Variants in AHI1 observed in about 807,000 individuals in gnomAD.
AHI1 encodes jouberin.
Under a neutral mutation model 149.3 loss-of-function variants are expected in AHI1, and 123 were observed. The observed-to-expected ratio is 0.82, with a 90% CI of 0.71 to 0.96. The LOEUF (loss-of-function observed/expected upper bound fraction) is 0.96, where lower values mean the gene tolerates loss of function less well. Among genes scored for constraint, AHI1 ranks in the 40% least tolerant of loss-of-function variants. AHI1 has a pLI of 0.00. For missense variants in AHI1, 1,439 were observed against 1,422.7 expected (o/e 1.01, Z -0.18); for synonymous variants, 475 against 459.8 (o/e 1.03, Z -0.42).
At chr6:135,372,508 G>T (rs1271942165) in intron 23 of AHI1, among the ~76,000 whole-genome samples, 1 of 96,230 alleles carries the variant, frequency 1.0e-5, no homozygotes, top group African/African-American at 3.5e-5. Context: ...GTCTCTACCG[G>T]AAAAAAAAAG....
intron 27 of AHI1, among the ~76,000 whole-genome samples, chr6:135,290,913 A>AACACACACACACACACACAC (rs574033007): frequency 4.6e-4 from 68 of 146,264 alleles, no homozygotes; most frequent in African/African-American, 1.6e-3. Context: ...AACACACACA[A>AACACACACACACACACACAC]ACACACACAC....
chr6:135,381,467 A>C (rs2128468207), intron 23 of AHI1, among the ~76,000 whole-genome samples: 1 of 152,348 alleles, frequency 6.6e-6, no homozygotes, highest in South Asian at 2.1e-4. Flanking sequence ...ACTTATTCTC[A>C]GAATGCCGTA....
chr6:135,339,475 A>T (rs1038027099), intron 24 of AHI1, among the ~76,000 whole-genome samples: 2 of 152,200 alleles, frequency 1.3e-5, no homozygotes, highest in African/African-American at 4.8e-5. Context: ...CTCACCAAAC[A>T]AACAAACAAA....
chr6:135,385,769 A>G (rs953361525), intron 23 of AHI1, among the ~76,000 whole-genome samples: 3 of 152,322 alleles, frequency 2.0e-5, no homozygotes, highest in African/African-American at 7.2e-5. Flanking sequence ...ATCCCTGGAA[A>G]GTGAAGGATG....
chr6:135,340,650 C>CATATAT (rs1381069276), intron 24 of AHI1, among the ~76,000 whole-genome samples: 4 of 52,650 alleles, frequency 7.6e-5, no homozygotes, highest in East Asian at 1.1e-3. Context: ...CATATATATA[C>CATATAT]ATACATACAT....
intron 11 of AHI1, among the ~76,000 whole-genome samples, chr6:135,451,052 A>T (rs1788016424): frequency 6.6e-6 from 1 of 151,814 alleles, no homozygotes; most frequent in Non-Finnish European, 1.5e-5. Context: ...GCTGGAGTGC[A>T]GTGGTACAAT....
At chr6:135,478,325 C>CAGAG (rs942596906) in intron 5 of AHI1, among the ~76,000 whole-genome samples, 1 of 152,164 alleles carries the variant, frequency 6.6e-6, no homozygotes, top group African/African-American at 2.4e-5. Flanking sequence ...CTGATATGAA[C>CAGAG]AGAGATGGCC....
At chr6:135,475,091 T>C (rs575586252) in intron 5 of AHI1, among the ~76,000 whole-genome samples, 41 of 152,366 alleles carry the variant, frequency 2.7e-4, no homozygotes, top group African/African-American at 8.9e-4. Flanking sequence ...TTAAAAGATA[T>C]ATAATGTTCG....
chr6:135,491,900 C>A (rs954925435), intron 4 of AHI1, among the ~76,000 whole-genome samples: 3 of 152,260 alleles, frequency 2.0e-5, no homozygotes, highest in African/African-American at 7.2e-5. Flanking sequence ...TACTAGCTAG[C>A]CCTTTTAGAA....
At chr6:135,316,712 G>C (rs1400687022) in intron 26 of AHI1, among the ~76,000 whole-genome samples, 1 of 151,378 alleles carries the variant, frequency 6.6e-6, no homozygotes, top group African/African-American at 2.4e-5. Flanking sequence ...TACTTTCTGG[G>C]CTCTGCCTTC....
At chr6:135,346,353 C>T (rs1363308776) in intron 24 of AHI1, among the ~76,000 whole-genome samples, 1 of 152,054 alleles carries the variant, frequency 6.6e-6, no homozygotes, top group East Asian at 1.9e-4. Context: ...CGCCACCATG[C>T]CCGGCTAATT....
chr6:135,398,376 T>C (rs1779554558), intron 22 of AHI1, among the ~76,000 whole-genome samples: 1 of 152,038 alleles, frequency 6.6e-6, no homozygotes, highest in African/African-American at 2.4e-5. Context: ...ACTGTAACTG[T>C]TAAAGAAAAA....
At chr6:135,373,916 C>A (rs1204914497) in intron 23 of AHI1, among the ~76,000 whole-genome samples, 2 of 151,652 alleles carry the variant, frequency 1.3e-5, no homozygotes, top group South Asian at 2.1e-4. Flanking sequence ...CAATATGATA[C>A]CTATGCATCC....
chr6:135,342,204 G>T (rs189175258), intron 24 of AHI1, among the ~76,000 whole-genome samples: 2 of 151,200 alleles, frequency 1.3e-5, no homozygotes, highest in East Asian at 3.9e-4. Flanking sequence ...TATATGAAAG[G>T]GACAAAAAAA....
chr6:135,495,871 G>C lies in AHI1; in HGVS notation c.-112C>G, dbSNP rs937457659. 6.6e-6 allele frequency: 1 copy of C among 152,050 alleles called. No individual in the cohort carries two copies. Among genetic ancestry groups the C allele is most frequent in the Non-Finnish European group, 1.5e-5 (1 of 68,014 alleles). The allele number at this position is 152,050 out of a possible 1,614,324, so 9.4% of individuals were successfully genotyped here. The stretch of plus-strand genomic sequence containing the variant: ...CTAATCCTTGGTTTTTCCTTGTCTG[G>C]GAATTTAAAATGGCACCTATTTTAG... On this transcript the variant is annotated 5_prime_UTR_variant, in exon 3 of 29. Transcript: ENST00000265602.
intron 5 of AHI1, among the ~76,000 whole-genome samples, chr6:135,481,221 C>T (rs1562274327): frequency 6.6e-6 from 1 of 152,146 alleles, no homozygotes; most frequent in Non-Finnish European, 1.5e-5. Flanking sequence ...ACTTCTCAGC[C>T]TTAAAACCCG....
intron 24 of AHI1, among the ~76,000 whole-genome samples, chr6:135,347,158 T>C (rs781547700): frequency 6.6e-6 from 1 of 152,244 alleles, no homozygotes; most frequent in East Asian, 1.9e-4. Context: ...CAAGGTCATC[T>C]GTTCTTTTTA....
At chr6:135,437,342 A>G (rs1344145735) in intron 15 of AHI1, among the ~76,000 whole-genome samples, 2 of 152,202 alleles carry the variant, frequency 1.3e-5, no homozygotes, top group Non-Finnish European at 2.9e-5. Context: ...GCAAAGTTAC[A>G]TATTTTTCTC....
At chr6:135,313,508 C>A (rs1583653912) in intron 26 of AHI1, among the ~76,000 whole-genome samples, 1 of 152,146 alleles carries the variant, frequency 6.6e-6, no homozygotes, top group Admixed American at 6.5e-5. Flanking sequence ...TGGGATTAGC[C>A]TGAAGTAGAC....
Sources: allele counts gnomAD v4.1 joint callset (sites outside exome capture counted in the v4.1 genomes callset), GRCh38; gene constraint gnomAD v4.1.1; transcripts MANE v1.5; gene names NCBI Gene and HGNC (gene_info 2026-07-23, HGNC 2026-07-21).